ILF2: variants seen among roughly 807,000 people sequenced by gnomAD.
ILF2 encodes interleukin enhancer-binding factor 2.
A neutral mutation model predicts 55.3 loss-of-function variants in ILF2; 9 were observed. That is an observed-to-expected ratio of 0.16 (90% CI 0.10 to 0.28). ILF2 has a LOEUF of 0.28. Ranked by LOEUF, ILF2 falls within the 10% of genes least tolerant of loss-of-function variation. The pLI is 1.00. For synonymous variants in ILF2, 151 were observed against 161.8 expected (o/e 0.93, Z 0.50); for missense variants, 266 against 474.9 (o/e 0.56, Z 4.09).
chr1:153,668,413 G>C lies in ILF2; in HGVS notation c.213+40C>G, dbSNP rs185005288. ...TTACTCTTTACCAATACTTTTAACT[G>C]CTTTAGAGACATTTCTGGAAGACAG... On this transcript the variant is annotated intron_variant, in intron 4 of 13. Transcript: ENST00000361891. 1.2e-3 allele frequency: 1,855 copies of C among 1,612,208 alleles called. 1 individual carries two copies. Among genetic ancestry groups the C allele is most frequent in the Non-Finnish European group, 1.4e-3 (1,684 of 1,178,850 alleles).
Position 153,663,231 on chromosome 1 carries a change from G to A in ILF2, c.790C>T (p.Leu264=), listed in dbSNP as rs376906307. ...MNNPTRQPLA[L]NVAYRRCLQI... ...ATGCTGTACCTGTATGCAACGTTTAGGGCCAAAGGCTGTCTGGTGGGGTTG... is the reference window on the plus strand; with the variant it reads ...ATGCTGTACCTGTATGCAACGTTTAAGGCCAAAGGCTGTCTGGTGGGGTTG... The change falls in exon 11 of 14, where the codon CTA becomes TTA. Residue 264 remains leucine (L), a synonymous_variant. Coordinates refer to ENST00000361891, the MANE Select transcript of ILF2 (RefSeq NM_004515.4). The A allele has an allele frequency of 1.9e-5, 30 of 1,614,120 alleles. No individual in the cohort carries two copies. The highest frequency in any genetic ancestry group is 2.5e-5 in the Non-Finnish European group (30 of 1,180,054).
In ILF2 at chr1:153,669,750, C is replaced by T. The variant is rs916773035; in HGVS notation, c.108+86G>A. ...AGGCACTGTGTCTGCCCTCTTCAAC[C>T]ACCATCTAACTTCATTAACTGGGAG... On this transcript the variant is annotated intron_variant, in intron 3 of 13. Coordinates refer to ENST00000361891, the MANE Select transcript of ILF2 (RefSeq NM_004515.4). The T allele has an allele frequency of 5.2e-6, 6 of 1,153,416 alleles. No individual in the cohort carries two copies. In the African/African-American group the frequency reaches 7.6e-5, roughly 15 times the overall value. The allele number at this position is 1,153,416 out of a possible 1,614,324, so 71.4% of individuals were successfully genotyped here.
chr1:153,670,191 G>A lies in ILF2; in HGVS notation c.45C>T (p.Ser15=). The change falls in exon 2 of 14, where the codon TCC becomes TCT. Residue 15 remains serine, a synonymous_variant. Coordinates refer to ENST00000361891, the MANE Select transcript of ILF2 (RefSeq NM_004515.4). ...RGRGRGGRFG[S]RGGPGGGFRP... is the part of the protein sequence containing the mutation. The stretch of plus-strand genomic sequence containing the variant: ...CTCACCCTCCTCCTGGGCCTCCTCT[G>A]GAACCAAAGCGCCCACCACGACCAC... 1 of 1,613,936 alleles carries A rather than the reference G, an allele frequency of 6.2e-7. No individual in the cohort carries two copies. The highest frequency in any genetic ancestry group is 8.5e-7 in the Non-Finnish European group (1 of 1,179,948).
chr1:153,667,529 C>T, intron 6 of ILF2, 26 bp downstream of exon 6: 16 of 1,461,236 alleles, frequency 1.1e-5, no homozygotes, highest in Non-Finnish European at 1.3e-5. Context: ...TGTTCTGTTC[C>T]CATGACCAGA....
chr1:153,665,279 A>G lies in ILF2; in HGVS notation c.518T>C (p.Val173Ala). The G allele has an allele frequency of 6.2e-7, 1 of 1,613,858 alleles. No homozygotes were observed. Among genetic ancestry groups the G allele is most frequent in the South Asian group, 1.1e-5 (1 of 91,082 alleles). Residue 173 changes from valine (V) to alanine (A), a missense_variant, in exon 8 of 14, where the codon GTG becomes GCG. Transcript: ENST00000361891. ...TGGCACTGTTGTAATGAGAATCTTCACTGTAGCATCAGAAGAACTGATTTC... is the reference window on the plus strand; with the variant it reads ...TGGCACTGTTGTAATGAGAATCTTCGCTGTAGCATCAGAAGAACTGATTTC... ...GFEISSSDAT[V>A]KILITTVPPN... is the part of the protein sequence containing the mutation.
In ILF2 at chr1:153,662,692, A is replaced by C; in HGVS notation, c.1012+13T>G. ...TTACAATACAAAACCCCTGACCCAC[A>C]GTGGTCACTCACAGCTGGCATCACC... On this transcript the variant is annotated intron_variant, in intron 13 of 13. Coordinates refer to ENST00000361891, the MANE Select transcript of ILF2 (RefSeq NM_004515.4). The C allele has an allele frequency of 6.2e-7, 1 of 1,610,922 alleles. No homozygotes were observed. Among genetic ancestry groups the C allele is most frequent in the Non-Finnish European group, 8.5e-7 (1 of 1,177,052 alleles).
chr1:153,670,378 C>T (rs965073399), intron 1 of ILF2, 148 bp from the exon 2 acceptor site: 1 of 698,250 alleles, frequency 1.4e-6, no homozygotes, highest in Admixed American at 2.6e-5. Flanking sequence ...CCAAATGGTG[C>T]CCAGTTACAC....
chr1:153,662,599 A>G (rs774893374), intron 13 of ILF2, 43 bp from the exon 14 acceptor site: 2 of 1,585,642 alleles, frequency 1.3e-6, no homozygotes, highest in South Asian at 1.1e-5. Context: ...AGCCCAGCAT[A>G]AAAGTCATTA....
At chr1:153,666,585 C>G (rs1669313205) in intron 6 of ILF2, among the ~76,000 whole-genome samples, 1 of 152,128 alleles carries the variant, frequency 6.6e-6, no homozygotes, top group Admixed American at 6.6e-5. Flanking sequence ...CTCCTGGGGT[C>G]AAGTGATCCT....
intron 4 of ILF2, 70 bp downstream of exon 4, chr1:153,668,383 A>G: frequency 6.4e-7 from 1 of 1,571,620 alleles, no homozygotes; most frequent in South Asian, 1.1e-5. Context: ...TAACCTTACC[A>G]ACAGTTACTC....
chr1:153,662,624 A>C (rs1266386689), intron 13 of ILF2, 68 bp from the exon 14 acceptor site: 2 of 1,570,400 alleles, frequency 1.3e-6, no homozygotes, highest in South Asian at 2.2e-5. Context: ...CACTGTGGAA[A>C]TATTAAAGAC....
chr1:153,665,620 G>C, intron 7 of ILF2, 43 bp downstream of exon 7: 1 of 1,472,398 alleles, frequency 6.8e-7, no homozygotes, highest in Non-Finnish European at 9.5e-7. Context: ...ACAAGACCTG[G>C]TTCCTATGGC....
chr1:153,663,314 T>C, intron 10 of ILF2, 38 bp from the exon 11 acceptor site: 1 of 1,579,768 alleles, frequency 6.3e-7, no homozygotes, highest in Non-Finnish European at 8.7e-7. Context: ...GCCATCAAAA[T>C]GGCACTTCTG....
chr1:153,662,143 G>T lies in ILF2; in HGVS notation c.*253C>A. The T allele has an allele frequency of 2.5e-6, 1 of 400,896 alleles. No individual in the cohort carries two copies. Among genetic ancestry groups the T allele is most frequent in the East Asian group, 4.2e-5 (1 of 23,766 alleles). 24.8% of individuals were successfully genotyped at this position (400,896 alleles called of 1,614,324 possible). A position where few individuals can be genotyped will look rare whatever the true frequency, so the allele number is the denominator to read the frequency against. On this transcript the variant is annotated 3_prime_UTR_variant, in exon 14 of 14. Transcript: ENST00000361891. ...GTATTAGTTGAGAGAGGGGTTTTCA[G>T]GAGTTGGAGATTATAGAATATTAGG...
chr1:153,670,080 C>T (rs1442220152), intron 2 of ILF2, 91 bp downstream of exon 2: 1 of 1,396,144 alleles, frequency 7.2e-7, no homozygotes, highest in Non-Finnish European at 1.0e-6. Context: ...TCTCGCAAAA[C>T]CAAGTGACAT....
intron 9 of ILF2, 121 bp downstream of exon 9, chr1:153,664,269 GTAAAAA>G (rs994837692): frequency 9.6e-7 from 1 of 1,043,150 alleles, no homozygotes; most frequent in Non-Finnish European, 1.5e-6. Flanking sequence ...CTTCCTTAAG[GTAAAAA>G]TAAAAATCCA....
At chr1:153,666,403 T>G (rs1203035222) in intron 6 of ILF2, among the ~76,000 whole-genome samples, 4 of 152,120 alleles carry the variant, frequency 2.6e-5, no homozygotes, top group African/African-American at 9.7e-5. Flanking sequence ...AGGCTGGTCT[T>G]GAACTCCAGG....
At chr1:153,668,623 C>G in intron 3 of ILF2, 66 bp from the exon 4 acceptor site, 1 of 1,511,510 alleles carries the variant, frequency 6.6e-7, no homozygotes, top group South Asian at 1.3e-5. Context: ...ATTGTTTTTT[C>G]TATTACTACG....
chr1:153,668,009 T>C lies in ILF2; in HGVS notation c.282A>G (p.Thr94=). ...ATCATCAAAAACTCACCACTTCAAA[T>C]GTCCCTGGAGCCACAATCAGATTAT... The part of the protein sequence containing the change: ...VIDNLIVAPG[T]FEVQIEEVRQ... The change falls in exon 5 of 14, where the codon ACA becomes ACG. Residue 94 remains threonine, a synonymous_variant. Coordinates refer to ENST00000361891, the MANE Select transcript of ILF2 (RefSeq NM_004515.4). The C allele has an allele frequency of 6.2e-7, 1 of 1,609,704 alleles. No individual in the cohort carries two copies. The highest frequency in any genetic ancestry group is 2.2e-5 in the East Asian group (1 of 44,854).
Sources: allele counts gnomAD v4.1 joint callset (sites outside exome capture counted in the v4.1 genomes callset), GRCh38; gene constraint gnomAD v4.1.1; transcripts MANE v1.5; gene names NCBI Gene and HGNC (gene_info 2026-07-23, HGNC 2026-07-21).